The following ATAD3C variants were observed in gnomAD, a reference collection of about 807,000 sequenced individuals.
The protein encoded by ATAD3C is ATPase family AAA domain-containing protein 3C.
ATAD3C carries 38 observed loss-of-function variants against 46.3 expected under a neutral mutation model. The observed-to-expected ratio is 0.82, with a 90% CI of 0.63 to 1.08. The LOEUF is 1.08. Among genes scored for constraint, ATAD3C ranks in the 50% least tolerant of loss-of-function variants. The pLI is 0.00. For synonymous variants in ATAD3C, 220 were observed against 236.4 expected (o/e 0.93, Z 0.63); for missense variants, 563 against 572.7 (o/e 0.98, Z 0.17).
At chr1:1,450,870 G>C in intron 1 of ATAD3C, 112 bp downstream of exon 1, 2 of 1,497,054 alleles carry the variant, frequency 1.3e-6, no homozygotes, top group South Asian at 2.4e-5. Flanking sequence ...ATGGGCAGCA[G>C]TGGGGCCCAG....
At chr1:1,455,723 G>T (rs1023675965) in intron 5 of ATAD3C, 68 bp from the exon 6 acceptor site, 4 of 1,598,712 alleles carry the variant, frequency 2.5e-6, no homozygotes, top group African/African-American at 1.3e-5. Context: ...AGGCATTCTC[G>T]CAGCCCCTGC....
intron 11 of ATAD3C, among the ~76,000 whole-genome samples, chr1:1,464,042 A>G (rs951283946): frequency 2.0e-5 from 3 of 150,758 alleles, no homozygotes; most frequent in Non-Finnish European, 3.0e-5. Flanking sequence ...CACCTCTACT[A>G]AAAATACAAA....
intron 2 of ATAD3C, 38 bp from the exon 3 acceptor site, chr1:1,452,327 T>C: frequency 6.2e-7 from 1 of 1,613,522 alleles, no homozygotes; most frequent in Non-Finnish European, 8.5e-7. Context: ...GCGTGGGTCT[T>C]TGTTTCCCTC....
At position 1,459,252 on chromosome 1, in the gene ATAD3C, C is replaced by T; in HGVS notation, c.812+21C>T. The T allele has an allele frequency of 6.2e-7, 1 of 1,611,448 alleles. No homozygotes were observed. Among genetic ancestry groups the T allele is most frequent in the Non-Finnish European group, 8.5e-7 (1 of 1,179,670 alleles). On this transcript the variant is annotated intron_variant, in intron 9 of 11. Coordinates refer to ENST00000378785, the MANE Select transcript of ATAD3C (RefSeq NM_001039211.3). This position sits in a 1 kb window ranked among gnomAD's most constrained non-coding sequence, Gnocchi z 4.9. ...AACAAGTGAGGGAGCCCCTCGGGTC[C>T]TGGGCCCCCGGGCAGGGCTGTGCAG...
chr1:1,458,954 C>T (rs1639012479), intron 8 of ATAD3C, among the ~76,000 whole-genome samples: 2 of 151,906 alleles, frequency 1.3e-5, no homozygotes, highest in African/African-American at 2.4e-5. Flanking sequence ...CTCCCAACCT[C>T]GTGTGATCTG....
rs1639179990 is a variant in ATAD3C, at chr1:1,468,409, G to A, written c.1115G>A (p.Gly372Glu). ...WQATAYASKD[G>E]VLTEAMMDAC... ...GCCACGGCGTATGCCTCCAAGGACG[G>A]GGTCCTGACCGAGGCCATGATGGAC... Residue 372 changes from glycine (G) to glutamate (E), a missense_variant, in exon 12 of 12, where the codon GGG becomes GAG. Gly to Glu is a moderately conservative substitution (Grantham distance 98, BLOSUM62 -2). Coordinates refer to ENST00000378785, the MANE Select transcript of ATAD3C (RefSeq NM_001039211.3). 1.2e-6 allele frequency: 2 copies of A among 1,612,492 alleles called. No homozygotes were observed. The highest frequency in any genetic ancestry group is 2.2e-5 in the East Asian group (1 of 44,862).
rs756199126 is a variant in ATAD3C at position 1,455,772 on chromosome 1, C to G, written c.439-19C>G. ...GTGGGTGCAGACTGTGTCCTCCAAG[C>G]CCCTGTCTTCCTCGGCAGCCCAGCC... On this transcript the variant is annotated intron_variant, in intron 5 of 11. Coordinates refer to ENST00000378785, the MANE Select transcript of ATAD3C (RefSeq NM_001039211.3). 6.2e-7 allele frequency: 1 copy of G among 1,612,924 alleles called. No individual in the cohort carries two copies. Among genetic ancestry groups the G allele is most frequent in the South Asian group, 1.1e-5 (1 of 90,996 alleles).
At chr1:1,455,982 G>T in intron 6 of ATAD3C, 66 bp downstream of exon 6, 1 of 1,603,436 alleles carries the variant, frequency 6.2e-7, no homozygotes, top group Admixed American at 1.7e-5. Context: ...GCAGGTGTCT[G>T]GGGGGCTCAG....
rs1639020648 is a variant in ATAD3C at position 1,459,390 on chromosome 1, C to T, written c.812+159C>T. Among the ~76,000 whole-genome samples, 1 of 151,978 alleles carries T rather than the reference C, an allele frequency of 6.6e-6. No homozygotes were observed. ...GATGTCCCCTGGGAACGGCCCAGCT[C>T]AGGACAGCACGGGGTGTCACTGAGG... On this transcript the variant is annotated intron_variant, in intron 9 of 11. Coordinates refer to ENST00000378785, the MANE Select transcript of ATAD3C (RefSeq NM_001039211.3). This position sits in a 1 kb window ranked among gnomAD's most constrained non-coding sequence, Gnocchi z 4.9.
intron 1 of ATAD3C, 60 bp downstream of exon 1, chr1:1,450,818 T>A: frequency 6.2e-7 from 1 of 1,603,030 alleles, no homozygotes; most frequent in Non-Finnish European, 8.5e-7. Flanking sequence ...GGCGTGGAGA[T>A]TGGTAGGGCT....
Position 1,450,860 on chromosome 1 carries a change from A to C in ATAD3C, c.75+102A>C. The C allele has an allele frequency of 2.6e-6, 4 of 1,540,400 alleles. No homozygotes were observed. The South Asian group carries it at 4.7e-5, about 18-fold the overall frequency. On this transcript the variant is annotated intron_variant, in intron 1 of 11. Transcript: ENST00000378785. ...GGTGGGTAGGGCCGGGGGTGTGTAC[A>C]TGGGCAGCAGTGGGGCCCAGGGCCA...
rs1313353732 is a variant in ATAD3C at position 1,450,675 on chromosome 1, C to G, written c.-9C>G. ...ACACCTGCCCTCCGTGTCCCTGCAT[C>G]TGCAGGCCATGTCAAAGGACGCCCT... is the stretch of plus-strand genomic sequence containing the variant. On this transcript the variant is annotated 5_prime_UTR_variant, in exon 1 of 12. In the 5' UTR this introduces an upstream ATG that the reference lacks. Coordinates refer to ENST00000378785, the MANE Select transcript of ATAD3C (RefSeq NM_001039211.3). 1 of 1,611,022 alleles carries G rather than the reference C, an allele frequency of 6.2e-7. No homozygotes were observed. Among genetic ancestry groups the G allele is most frequent in the South Asian group, 1.1e-5 (1 of 90,694 alleles).
intron 11 of ATAD3C, among the ~76,000 whole-genome samples, chr1:1,463,583 C>G (rs975242603): frequency 4.6e-5 from 7 of 151,920 alleles, no homozygotes; most frequent in African/African-American, 9.7e-5. Context: ...TCCAGGCCAT[C>G]CCCACTTGGG....
rs1199851017 is a variant in ATAD3C, at chr1:1,459,270, C to T, written c.812+39C>T. ...TCGGGTCCTGGGCCCCCGGGCAGGG[C>T]TGTGCAGCCGTCACCCTTGGTTCCC... On this transcript the variant is annotated intron_variant, in intron 9 of 11. Transcript: ENST00000378785. The surrounding 1 kb of genome is among the most constrained non-coding windows in gnomAD (Gnocchi z 4.9). 8.1e-6 allele frequency: 13 copies of T among 1,606,846 alleles called. 1 individual carries two copies. Among genetic ancestry groups the T allele is most frequent in the Non-Finnish European group, 1.1e-5 (13 of 1,179,680 alleles).
Position 1,459,341 on chromosome 1 carries a change from C to T in ATAD3C, c.812+110C>T, listed in dbSNP as rs900625479. On this transcript the variant is annotated intron_variant, in intron 9 of 11. Transcript: ENST00000378785. This position sits in a 1 kb window ranked among gnomAD's most constrained non-coding sequence, Gnocchi z 4.9. ...CTGGCTCACAGTGCTGGGCAGCTGC[C>T]GTGGCCTCAACGTGCCCACCTTGGA... 9.6e-6 allele frequency: 15 copies of T among 1,563,900 alleles called. No individual in the cohort carries two copies. The highest frequency in any genetic ancestry group is 5.4e-5 in the African/African-American group (4 of 73,448).
At chr1:1,461,073 G>T (rs1056969490) in intron 10 of ATAD3C, among the ~76,000 whole-genome samples, 156 bp downstream of exon 10, 1 of 151,960 alleles carries the variant, frequency 6.6e-6, no homozygotes, top group South Asian at 2.1e-4. Context: ...GGCCCCAAGG[G>T]TCCCAGAGGC....
intron 8 of ATAD3C, 70 bp downstream of exon 8, chr1:1,457,250 A>C: frequency 6.2e-7 from 1 of 1,603,550 alleles, no homozygotes; most frequent in Non-Finnish European, 8.5e-7. Flanking sequence ...ATCCTGGGCC[A>C]GGCCGCAGCC....
In ATAD3C at chr1:1,459,166, G is replaced by C; in HGVS notation, c.747G>C (p.Lys249Asn). 1 of 1,611,798 alleles carries C rather than the reference G, an allele frequency of 6.2e-7. No homozygotes were observed. Among genetic ancestry groups the C allele is most frequent in the Non-Finnish European group, 8.5e-7 (1 of 1,179,048 alleles). Reference protein sequence around the residue: ...DAFLRKRATEKISEDLRATLN... With the variant: ...DAFLRKRATENISEDLRATLN... Reference sequence around the variant, plus strand: ...CTGGAACCTTCTCTCTGCAGGAGAAGATAAGCGAGGACCTCAGGGCCACAC... The same window carrying C: ...CTGGAACCTTCTCTCTGCAGGAGAACATAAGCGAGGACCTCAGGGCCACAC... Residue 249 changes from lysine to asparagine, a missense_variant, in exon 9 of 12, where the codon AAG becomes AAC. By Grantham distance (94) the Lys-to-Asn change is moderately conservative. Transcript: ENST00000378785. The surrounding 1 kb of genome is among the most constrained non-coding windows in gnomAD (Gnocchi z 4.9).
At chr1:1,454,096 T>G (rs748359026) in intron 3 of ATAD3C, among the ~76,000 whole-genome samples, 5 of 151,998 alleles carry the variant, frequency 3.3e-5, no homozygotes, top group Non-Finnish European at 5.9e-5. Flanking sequence ...GACCAGAGCT[T>G]TGTAGGATTT....
Sources: allele counts gnomAD v4.1 joint callset (sites outside exome capture counted in the v4.1 genomes callset), GRCh38; gene constraint gnomAD v4.1.1; non-coding constraint Gnocchi (gnomAD v3.1); transcripts MANE v1.5; gene names NCBI Gene and HGNC (gene_info 2026-07-23, HGNC 2026-07-21).